The following DIAPH2 variants were observed in gnomAD, a reference collection of about 807,000 sequenced individuals.
DIAPH2 encodes the protein protein diaphanous homolog 2.
A neutral mutation model predicts 92.7 loss-of-function variants in DIAPH2; 35 were observed. That is an observed-to-expected ratio of 0.38 (90% CI 0.29 to 0.50). The LOEUF (loss-of-function observed/expected upper bound fraction) is 0.50, where lower values mean the gene tolerates loss of function less well. Ranked by LOEUF, DIAPH2 falls within the 20% of genes least tolerant of loss-of-function variation. The pLI is 0.94. For missense variants in DIAPH2, 701 were observed against 819.5 expected (o/e 0.86, Z 1.77); for synonymous variants, 301 against 280.4 (o/e 1.07, Z -0.73).
chrX:96,880,203 A>T (rs767568779), intron 4 of DIAPH2, among the ~76,000 whole-genome samples: 42 of 111,590 alleles, frequency 3.8e-4, no homozygotes, highest in African/African-American at 1.3e-3. Flanking sequence ...TAAATTCATG[A>T]CCGGTGTTAG....
chrX:97,220,265 A>G (rs935781132), intron 22 of DIAPH2, among the ~76,000 whole-genome samples: 6 of 109,188 alleles, frequency 5.5e-5, no homozygotes, highest in Admixed American at 4.0e-4. Flanking sequence ...CTTCCCACCC[A>G]GGGAAGTGAA....
intron 22 of DIAPH2, among the ~76,000 whole-genome samples, chrX:97,147,356 C>G (rs1445443109): frequency 9.2e-6 from 1 of 108,869 alleles, no homozygotes; most frequent in African/African-American, 3.3e-5. Flanking sequence ...ATTTTTTTCC[C>G]CAATGATTAA....
chrX:96,890,793 A>G (rs2147759133), intron 5 of DIAPH2, among the ~76,000 whole-genome samples: 1 of 112,223 alleles, frequency 8.9e-6, no homozygotes, highest in African/African-American at 3.2e-5. Context: ...TCATTTTGGT[A>G]TATTATTTTC....
chrX:96,814,291 T>C (rs1013610872), intron 4 of DIAPH2, among the ~76,000 whole-genome samples: 16 of 112,074 alleles, frequency 1.4e-4, no homozygotes, highest in African/African-American at 4.5e-4. Context: ...CAATCACTGA[T>C]ACCCTTTCTT....
At chrX:96,848,839 A>T (rs1271513496) in intron 4 of DIAPH2, among the ~76,000 whole-genome samples, 1 of 112,143 alleles carries the variant, frequency 8.9e-6, no homozygotes, top group African/African-American at 3.2e-5. Flanking sequence ...TTTTGAAGAG[A>T]ATCTTAAAGG....
intron 17 of DIAPH2, among the ~76,000 whole-genome samples, chrX:96,975,022 AT>A (rs2065951807): frequency 1.8e-5 from 2 of 111,706 alleles, no homozygotes; most frequent in Admixed American, 9.5e-5. Context: ...GCTTAATAAA[AT>A]TTAGCTTCTT....
chrX:96,841,077 A>G (rs900569047), intron 4 of DIAPH2, among the ~76,000 whole-genome samples: 1 of 111,781 alleles, frequency 8.9e-6, no homozygotes, highest in Admixed American at 9.5e-5. Context: ...ACTGTTGAAG[A>G]CTCAACTAAT....
Position 97,312,345 on chromosome X carries a change from C to CATTTTTTTTTTTTTT in DIAPH2, c.2845-35771_2845-35770insATTTTTTTTTTTTTT, listed in dbSNP as rs202046146. Among the ~76,000 whole-genome samples, 5 of 54,945 alleles carry CATTTTTTTTTTTTTT rather than the reference C, an allele frequency of 9.1e-5. 1 individual carries two copies. The highest frequency in any genetic ancestry group is 1.2e-4 in the Non-Finnish European group (4 of 32,558). The allele number at this position is 54,945 out of a possible 115,157, so 47.7% of individuals were successfully genotyped here. The stretch of plus-strand genomic sequence containing the variant: ...TTGATCACTTTTGATCAATAGAATC[C>CATTTTTTTTTTTTTT]TTTTTTTTTTTTTTTTTTTTTTTTT... On this transcript the variant is annotated intron_variant, in intron 23 of 26. Transcript: ENST00000324765.
At chrX:96,686,011 A>G (rs1266320184) in intron 1 of DIAPH2, among the ~76,000 whole-genome samples, 1 of 112,201 alleles carries the variant, frequency 8.9e-6, no homozygotes. Flanking sequence ...ATTGGGAAAT[A>G]CTGGAGTTTC....
At chrX:97,466,597 G>A (rs2070514861) in intron 26 of DIAPH2, among the ~76,000 whole-genome samples, 1 of 111,687 alleles carries the variant, frequency 9.0e-6, no homozygotes, top group South Asian at 3.7e-4. Context: ...GGACACACTG[G>A]AAACTAGATG....
intron 23 of DIAPH2, among the ~76,000 whole-genome samples, chrX:97,337,375 C>T (rs919413700): frequency 2.7e-5 from 3 of 111,010 alleles, no homozygotes; most frequent in African/African-American, 9.8e-5. Context: ...ATGGGAGGGA[C>T]CCATTGGGAA....
chrX:97,207,219 A>G (rs2067804464), intron 22 of DIAPH2, among the ~76,000 whole-genome samples: 1 of 112,095 alleles, frequency 8.9e-6, no homozygotes, highest in Non-Finnish European at 1.9e-5. Context: ...GTACTTTACC[A>G]ATATTGTGAA....
At chrX:96,710,585 A>G (rs930672833) in intron 1 of DIAPH2, among the ~76,000 whole-genome samples, 5 of 111,574 alleles carry the variant, frequency 4.5e-5, no homozygotes, top group African/African-American at 1.6e-4. Flanking sequence ...GTGTGGATTA[A>G]TGCTCTAGAT....
chrX:97,589,646 G>A (rs993300769), intron 26 of DIAPH2, among the ~76,000 whole-genome samples: 7 of 111,829 alleles, frequency 6.3e-5, no homozygotes, highest in Non-Finnish European at 1.1e-4. Context: ...AAGAACATCA[G>A]TGTATGATGA....
At chrX:96,759,349 G>T (rs6523053) in intron 4 of DIAPH2, among the ~76,000 whole-genome samples, 1 of 111,130 alleles carries the variant, frequency 9.0e-6, no homozygotes, top group Non-Finnish European at 1.9e-5. Context: ...TGAATGCTGA[G>T]CTATTTAAAC....
intron 25 of DIAPH2, among the ~76,000 whole-genome samples, chrX:97,384,868 A>AAAAAT (rs2069584718): frequency 9.3e-6 from 1 of 107,795 alleles, no homozygotes; most frequent in Non-Finnish European, 1.9e-5. Context: ...TGTATCTCAA[A>AAAAAT]AAATAAATAA....
At chrX:97,054,941 A>G (rs1035484727) in intron 17 of DIAPH2, among the ~76,000 whole-genome samples, 4 of 111,294 alleles carry the variant, frequency 3.6e-5, no homozygotes, top group African/African-American at 1.3e-4. Flanking sequence ...ACCCTAATAC[A>G]TTGTTATAGC....
At chrX:96,799,677 G>A (rs1318873091) in intron 4 of DIAPH2, among the ~76,000 whole-genome samples, 1 of 110,046 alleles carries the variant, frequency 9.1e-6, no homozygotes, top group Non-Finnish European at 1.9e-5. Context: ...GCATCGTGGC[G>A]CGTGCCTGTA....
At chrX:96,837,367 C>G (rs1273190802) in intron 4 of DIAPH2, among the ~76,000 whole-genome samples, 1 of 108,105 alleles carries the variant, frequency 9.3e-6, no homozygotes, top group African/African-American at 3.4e-5. Flanking sequence ...TTCTCTGTCT[C>G]TCTGTCTGCC....
Sources: gnomAD v4.1 joint callset for allele counts (sites outside exome capture counted in the v4.1 genomes callset) on GRCh38, gnomAD v4.1.1 for gene constraint, MANE v1.5 for transcripts, NCBI Gene and HGNC (gene_info 2026-07-23, HGNC 2026-07-21) for gene names.